CDH12: variants seen among roughly 807,000 people sequenced by gnomAD.
CDH12 encodes the protein cadherin-12.
Under a neutral mutation model 74.1 loss-of-function variants are expected in CDH12, and 41 were observed. The ratio of observed to expected loss-of-function variants is 0.55; its 90% CI spans 0.43 to 0.72. The LOEUF (loss-of-function observed/expected upper bound fraction) is 0.72, where lower values mean the gene tolerates loss of function less well. Among genes scored for constraint, CDH12 ranks in the 30% least tolerant of loss-of-function variants. The pLI is 0.00. For synonymous variants in CDH12, 399 were observed against 355.0 expected (o/e 1.12, Z -1.39); for missense variants, 945 against 977.2 (o/e 0.97, Z 0.44).
At chr5:22,313,382 C>T (rs1429378381) in intron 3 of CDH12, among the ~76,000 whole-genome samples, 1 of 152,156 alleles carries the variant, frequency 6.6e-6, no homozygotes, top group East Asian at 1.9e-4. Context: ...CTTTAAAATA[C>T]TTCTGACTCT....
Position 22,187,584 on chromosome 5 carries a change from T to C in CDH12, c.-187+24914A>G, listed in dbSNP as rs375650884. On this transcript the variant is annotated intron_variant, in intron 4 of 14. Coordinates refer to ENST00000382254, the MANE Select transcript of CDH12 (RefSeq NM_004061.5). ...CACGAATGCATTAACCTGGGCTGCC[T>C]ACATTTCTTCCTGTGCTGTCACATA... Among the ~76,000 whole-genome samples, 15 of 148,752 alleles carry C rather than the reference T, an allele frequency of 1.0e-4. 1 individual carries two copies. The highest frequency in any genetic ancestry group is 7.9e-4 in the East Asian group (4 of 5,058).
At chr5:22,136,736 G>A (rs1282178627) in intron 4 of CDH12, among the ~76,000 whole-genome samples, 1 of 149,774 alleles carries the variant, frequency 6.7e-6, no homozygotes, top group Non-Finnish European at 1.5e-5. Context: ...AAATCCCAGG[G>A]ACCGACTTTA....
At chr5:22,625,996 C>A (rs570116883) in intron 1 of CDH12, among the ~76,000 whole-genome samples, 1 of 152,152 alleles carries the variant, frequency 6.6e-6, no homozygotes, top group Non-Finnish European at 1.5e-5. Context: ...CCTGCTCCCC[C>A]ACTGTACTGG....
chr5:22,664,964 T>G (rs1740537448), intron 1 of CDH12, among the ~76,000 whole-genome samples: 1 of 152,220 alleles, frequency 6.6e-6, no homozygotes, highest in South Asian at 2.1e-4. Context: ...TTATTTGTTT[T>G]ATGAATGGGG....
At chr5:22,714,926 C>T (rs998362216) in intron 1 of CDH12, among the ~76,000 whole-genome samples, 5 of 152,164 alleles carry the variant, frequency 3.3e-5, no homozygotes, top group Non-Finnish European at 5.9e-5. Flanking sequence ...AGATGGAATA[C>T]TGGTGCATCT....
At chr5:22,501,761 A>C (rs1580712195) in intron 2 of CDH12, among the ~76,000 whole-genome samples, 1 of 151,168 alleles carries the variant, frequency 6.6e-6, no homozygotes, top group Non-Finnish European at 1.5e-5. Flanking sequence ...AAAAAAAAAA[A>C]CAGATGGCTC....
chr5:21,856,975 T>C (rs1291297127), intron 6 of CDH12, among the ~76,000 whole-genome samples: 4 of 151,882 alleles, frequency 2.6e-5, no homozygotes, highest in Non-Finnish European at 4.4e-5. Flanking sequence ...TCTGGGTGTT[T>C]ACAAGAATGG....
At chr5:22,198,917 A>G (rs1347902193) in intron 4 of CDH12, among the ~76,000 whole-genome samples, 1 of 145,914 alleles carries the variant, frequency 6.9e-6, no homozygotes, top group Non-Finnish European at 1.6e-5. Flanking sequence ...AAAAAAGCAG[A>G]TAGGAAAATT....
intron 1 of CDH12, among the ~76,000 whole-genome samples, chr5:22,682,450 A>G (rs1011685582): frequency 1.3e-5 from 2 of 152,128 alleles, no homozygotes; most frequent in Non-Finnish European, 1.5e-5. Flanking sequence ...GGTAGACAGG[A>G]TACAACATAC....
At chr5:22,831,649 C>CACATTGGGAGCCCGAGGCG (rs1736617439) in intron 1 of CDH12, among the ~76,000 whole-genome samples, 1 of 152,058 alleles carries the variant, frequency 6.6e-6, no homozygotes, top group Admixed American at 6.6e-5. Context: ...GTAATCCCAG[C>CACATTGGGAGCCCGAGGCG]ACATTGGGAG....
chr5:22,355,528 A>ATG (rs1468546535), intron 3 of CDH12, among the ~76,000 whole-genome samples: 1 of 137,232 alleles, frequency 7.3e-6, no homozygotes, highest in East Asian at 2.1e-4. Flanking sequence ...AAAAAAATAT[A>ATG]TATATATATA....
intron 4 of CDH12, among the ~76,000 whole-genome samples, chr5:22,120,376 CATT>C (rs1745435211): frequency 1.3e-5 from 2 of 152,050 alleles, no homozygotes; most frequent in African/African-American, 2.4e-5. Context: ...AAAGGACAAA[CATT>C]ATGTATCAGT....
chr5:21,998,996 C>T (rs149996917), intron 5 of CDH12, among the ~76,000 whole-genome samples: 7 of 152,258 alleles, frequency 4.6e-5, no homozygotes, highest in Admixed American at 4.6e-4. Context: ...TAAAGTTTGC[C>T]TTAACGGTCT....
At chr5:22,771,662 TA>T (rs1481835851) in intron 1 of CDH12, among the ~76,000 whole-genome samples, 1 of 152,164 alleles carries the variant, frequency 6.6e-6, no homozygotes, top group Non-Finnish European at 1.5e-5. Flanking sequence ...ACAATTATAG[TA>T]AAAATTATTT....
intron 4 of CDH12, among the ~76,000 whole-genome samples, chr5:22,096,717 T>C (rs1249433398): frequency 6.6e-6 from 1 of 152,048 alleles, no homozygotes; most frequent in Non-Finnish European, 1.5e-5. Flanking sequence ...GATCAGTTAG[T>C]GTTTAGGCTC....
chr5:22,513,356 A>T (rs910565446), intron 1 of CDH12, among the ~76,000 whole-genome samples: 9 of 151,968 alleles, frequency 5.9e-5, no homozygotes, highest in African/African-American at 2.2e-4. Context: ...CCAGGTGTGG[A>T]AAGTTGACAA....
chr5:22,343,697 C>A (rs913495495), intron 3 of CDH12, among the ~76,000 whole-genome samples: 1 of 152,116 alleles, frequency 6.6e-6, no homozygotes, highest in Non-Finnish European at 1.5e-5. Context: ...GGATTACAGG[C>A]GTGAGAAGTT....
At chr5:22,853,021 C>T (rs1737625447) in intron 1 of CDH12, 37 bp downstream of exon 1, 1 of 152,306 alleles carries the variant, frequency 6.6e-6, no homozygotes, top group African/African-American at 2.4e-5. Flanking sequence ...CGATCACACA[C>T]ACGCGGTGCA....
At chr5:22,101,207 G>A (rs981078823) in intron 4 of CDH12, among the ~76,000 whole-genome samples, 2 of 151,680 alleles carry the variant, frequency 1.3e-5, no homozygotes, top group Admixed American at 6.6e-5. Context: ...TTTAGACACC[G>A]AGACTTTTAC....
Sources: gnomAD v4.1 joint callset for allele counts (sites outside exome capture counted in the v4.1 genomes callset) on GRCh38, gnomAD v4.1.1 for gene constraint, MANE v1.5 for transcripts, NCBI Gene and HGNC (gene_info 2026-07-23, HGNC 2026-07-21) for gene names.